CADM1: variants seen among roughly 807,000 people sequenced by gnomAD.
The protein encoded by CADM1 is cell adhesion molecule 1.
CADM1 carries 15 observed loss-of-function variants against 53.1 expected under a neutral mutation model. The ratio of observed to expected loss-of-function variants is 0.28; its 90% CI spans 0.19 to 0.44. CADM1 has a LOEUF of 0.44. Ranked by LOEUF, CADM1 falls within the 20% of genes least tolerant of loss-of-function variation. CADM1 has a pLI of 1.00. For missense variants in CADM1, 434 were observed against 611.3 expected (o/e 0.71, Z 3.06); for synonymous variants, 281 against 243.0 (o/e 1.16, Z -1.45).
At chr11:115,244,870 T>C (rs1285626078) in intron 1 of CADM1, among the ~76,000 whole-genome samples, 1 of 152,262 alleles carries the variant, frequency 6.6e-6, no homozygotes, top group African/African-American at 2.4e-5. Context: ...TGTTTACTAC[T>C]GCTTCCTTCT....
At chr11:115,400,605 T>A (rs1947117820) in intron 1 of CADM1, among the ~76,000 whole-genome samples, 2 of 141,142 alleles carry the variant, frequency 1.4e-5, no homozygotes, top group South Asian at 4.4e-4. Context: ...CTCATATATA[T>A]AATATATATC....
chr11:115,248,630 G>C (rs990761294), intron 1 of CADM1, among the ~76,000 whole-genome samples: 1 of 152,174 alleles, frequency 6.6e-6, no homozygotes, highest in African/African-American at 2.4e-5. Flanking sequence ...CACACTGGTA[G>C]GTGAAAACCT....
chr11:115,409,523 A>C (rs548420722), intron 1 of CADM1, among the ~76,000 whole-genome samples: 2 of 152,208 alleles, frequency 1.3e-5, no homozygotes, highest in Admixed American at 6.5e-5. Context: ...AGTCCTCTTG[A>C]ATCCAAGTGG....
chr11:115,443,939 A>C (rs1287575252), intron 1 of CADM1, among the ~76,000 whole-genome samples: 1 of 152,190 alleles, frequency 6.6e-6, no homozygotes, highest in Admixed American at 6.5e-5. Context: ...AAGGCAGGAG[A>C]CAAAAGGTGG....
At chr11:115,269,915 A>C (rs1197219405) in intron 1 of CADM1, among the ~76,000 whole-genome samples, 2 of 152,186 alleles carry the variant, frequency 1.3e-5, no homozygotes, top group East Asian at 1.9e-4. Flanking sequence ...TTAGGAAGAA[A>C]GTTGACTGCA....
At chr11:115,230,878 T>G (rs927902976) in intron 4 of CADM1, among the ~76,000 whole-genome samples, 2 of 152,244 alleles carry the variant, frequency 1.3e-5, no homozygotes, top group Non-Finnish European at 2.9e-5. Flanking sequence ...CAGGTGATAG[T>G]GCAATAGACG....
At chr11:115,250,388 C>T (rs1437791755) in intron 1 of CADM1, among the ~76,000 whole-genome samples, 2 of 152,140 alleles carry the variant, frequency 1.3e-5, no homozygotes, top group Admixed American at 1.3e-4. Flanking sequence ...TTCACTTCAG[C>T]TCACTAAAAG....
chr11:115,267,306 C>T (rs1476518938), intron 1 of CADM1, among the ~76,000 whole-genome samples: 1 of 152,226 alleles, frequency 6.6e-6, no homozygotes, highest in Non-Finnish European at 1.5e-5. Flanking sequence ...ATTTGTTTGG[C>T]TGGCTAGCAC....
At chr11:115,470,174 G>A (rs1399033194) in intron 1 of CADM1, among the ~76,000 whole-genome samples, 1 of 152,148 alleles carries the variant, frequency 6.6e-6, no homozygotes, top group Non-Finnish European at 1.5e-5. Flanking sequence ...CCAGACAAAC[G>A]TTAGCTGCTA....
At chr11:115,337,288 G>T (rs1945292439) in intron 1 of CADM1, among the ~76,000 whole-genome samples, 1 of 152,138 alleles carries the variant, frequency 6.6e-6, no homozygotes, top group African/African-American at 2.4e-5. Flanking sequence ...GTGCTAATTT[G>T]ATAGGTTGTA....
intron 1 of CADM1, among the ~76,000 whole-genome samples, chr11:115,277,725 A>T (rs1174711668): frequency 6.6e-6 from 1 of 152,216 alleles, no homozygotes; most frequent in Non-Finnish European, 1.5e-5. Flanking sequence ...AATGACACTG[A>T]CTAGGCATTT....
chr11:115,431,690 C>G (rs563650607), intron 1 of CADM1, among the ~76,000 whole-genome samples: 153 of 152,058 alleles, frequency 1.0e-3, no homozygotes, highest in African/African-American at 3.5e-3. Flanking sequence ...TTTAAGGCAC[C>G]CTGTTCCCTC....
chr11:115,298,107 T>C (rs1245071977), intron 1 of CADM1, among the ~76,000 whole-genome samples: 1 of 152,212 alleles, frequency 6.6e-6, no homozygotes, highest in African/African-American at 2.4e-5. Context: ...CTCATGGGAA[T>C]AATTGTTGCC....
chr11:115,259,126 T>C (rs369706892), intron 1 of CADM1, among the ~76,000 whole-genome samples: 35 of 151,770 alleles, frequency 2.3e-4, no homozygotes, highest in African/African-American at 7.7e-4. Context: ...GCTGGGACTA[T>C]AGAAGCGTGC....
At chr11:115,270,845 C>T (rs1372293699) in intron 1 of CADM1, among the ~76,000 whole-genome samples, 1 of 152,138 alleles carries the variant, frequency 6.6e-6, no homozygotes, top group Non-Finnish European at 1.5e-5. Flanking sequence ...AAATCCAGTC[C>T]ACTTGGTTTA....
chr11:115,319,559 C>G (rs139323835), intron 1 of CADM1, among the ~76,000 whole-genome samples: 2 of 151,902 alleles, frequency 1.3e-5, no homozygotes, highest in Admixed American at 6.6e-5. Flanking sequence ...ATATAGGTAC[C>G]CTGCCAATTC....
At position 115,455,414 on chromosome 11, in the gene CADM1, T is replaced by G. The variant is rs905790117; in HGVS notation, c.124+48857A>C. Among the ~76,000 whole-genome samples the G allele has an allele frequency of 1.8e-4, 28 of 151,612 alleles. 1 individual carries two copies. Among genetic ancestry groups the G allele is most frequent in the Admixed American group, 5.3e-4 (8 of 15,220 alleles). Reference sequence around the variant, plus strand: ...AGGCAAAAAAAAAATCATATATATATATAGAGAGAGAGAGAAATATTGGTC... The same window carrying G: ...AGGCAAAAAAAAAATCATATATATAGATAGAGAGAGAGAGAAATATTGGTC... On this transcript the variant is annotated intron_variant, in intron 1 of 11. Coordinates refer to ENST00000331581, the MANE Select transcript of CADM1 (RefSeq NM_001301043.2).
chr11:115,257,096 C>T (rs910651682), intron 1 of CADM1, among the ~76,000 whole-genome samples: 5 of 152,148 alleles, frequency 3.3e-5, no homozygotes, highest in African/African-American at 1.2e-4. Context: ...ATTACGACTA[C>T]TTTTCATGTA....
intron 1 of CADM1, among the ~76,000 whole-genome samples, chr11:115,354,071 C>T (rs536233641): frequency 6.6e-6 from 1 of 152,214 alleles, no homozygotes; most frequent in East Asian, 1.9e-4. Flanking sequence ...GCAGCAATAT[C>T]TCTGCTGATC....
Sources: gnomAD v4.1 joint callset for allele counts (sites outside exome capture counted in the v4.1 genomes callset) on GRCh38, gnomAD v4.1.1 for gene constraint, MANE v1.5 for transcripts, NCBI Gene and HGNC (gene_info 2026-07-23, HGNC 2026-07-21) for gene names.